The following ANKRD36 variants were observed in gnomAD, a reference collection of about 807,000 sequenced individuals.
The protein encoded by ANKRD36 is ankyrin repeat domain 36.
Under a neutral mutation model 278.1 loss-of-function variants are expected in ANKRD36, and 179 were observed. The ratio of observed to expected loss-of-function variants is 0.64; its 90% CI spans 0.57 to 0.73. ANKRD36 has a LOEUF of 0.73. Among genes scored for constraint, ANKRD36 ranks in the 30% least tolerant of loss-of-function variants. The probability of loss-of-function intolerance (pLI) is 0.00; values close to 1 mark genes in which losing one functional copy is unlikely to be tolerated. For missense variants in ANKRD36, 1,159 were observed against 1,956.7 expected (o/e 0.59, Z 7.69); for synonymous variants, 320 against 641.1 (o/e 0.50, Z 7.57).
chr2:97,120,570 A>G (rs1451250809), intron 3 of ANKRD36, among the ~76,000 whole-genome samples: 1 of 151,656 alleles, frequency 6.6e-6, no homozygotes, highest in Non-Finnish European at 1.5e-5. Context: ...CATTTGGTGA[A>G]CAATCTGGGA....
At position 97,118,360 on chromosome 2, in the gene ANKRD36, A is replaced by C. The variant is rs549307389; in HGVS notation, c.329A>C (p.Gln110Pro). The stretch of plus-strand genomic sequence containing the variant: ...TACTGACAGGCTGTACAACTGAGGC[A>C]GGAGGCTTGTGCAACTCTTCTGCTG... ...TPLIKAVQLR[Q>P]EACATLLLQN... Residue 110 changes from glutamine to proline, a missense_variant, in exon 3 of 76, where the codon CAG becomes CCG. By Grantham distance (76) the Gln-to-Pro change is moderately conservative. Coordinates refer to ENST00000420699, the MANE Select transcript of ANKRD36 (RefSeq NM_001354587.1). 6.2e-6 allele frequency: 10 copies of C among 1,610,300 alleles called. No homozygotes were observed. In the South Asian group the frequency reaches 1.1e-4, roughly 18 times the overall value.
At chr2:97,132,142 G>A in intron 6 of ANKRD36, among the ~76,000 whole-genome samples, 1 of 151,258 alleles carries the variant, frequency 6.6e-6, no homozygotes, top group Admixed American at 6.6e-5. Context: ...ATACATTTTA[G>A]AGACAGGGTC....
intron 38 of ANKRD36, among the ~76,000 whole-genome samples, chr2:97,193,712 T>A (rs2153572358): frequency 6.6e-6 from 1 of 151,788 alleles, no homozygotes; most frequent in Non-Finnish European, 1.5e-5. Context: ...ACTCCTCTGT[T>A]ACTATTAGGC....
chr2:97,144,570 T>G, intron 9 of ANKRD36, 24 bp downstream of exon 9: 3 of 1,577,150 alleles, frequency 1.9e-6, no homozygotes, highest in South Asian at 2.3e-5. Flanking sequence ...ATTCATATTT[T>G]GAATAATTAA....
chr2:97,196,458 G>C, intron 40 of ANKRD36, 135 bp from the exon 41 acceptor site: 3 of 1,501,000 alleles, frequency 2.0e-6, no homozygotes, highest in Non-Finnish European at 2.7e-6. Context: ...CTAGTCCCCA[G>C]ACACAAAGTA....
intron 58 of ANKRD36, chr2:97,213,022 G>A (rs1232811913): frequency 2.7e-5 from 12 of 447,428 alleles, no homozygotes; most frequent in Non-Finnish European, 2.4e-5. Context: ...CTATAATGGT[G>A]TAAATCCTTC....
rs1211833474 is a variant in ANKRD36 at position 97,118,399 on chromosome 2, A to G, written c.368A>G (p.Asn123Ser). 12 of 1,608,332 alleles carry G rather than the reference A, an allele frequency of 7.5e-6. 2 individuals are homozygous for G. Among genetic ancestry groups the G allele is most frequent in the South Asian group, 2.2e-5 (2 of 89,542 alleles). The change falls in exon 3 of 76, where the codon AAT becomes AGT. Residue 123 changes from asparagine to serine, a missense_variant. By Grantham distance (46) the Asn-to-Ser change is conservative (BLOSUM62 1). Transcript: ENST00000420699. The part of the protein sequence containing the change: ...CATLLLQNGA[N>S]PNITDFFGRT... The stretch of plus-strand genomic sequence containing the variant: ...ACTCTTCTGCTGCAAAATGGCGCCA[A>G]TCCAAATATTACGGATTTCTTTGGA...
chr2:97,205,244 A>G (rs957136232), intron 50 of ANKRD36, among the ~76,000 whole-genome samples: 1 of 151,638 alleles, frequency 6.6e-6, no homozygotes, highest in Admixed American at 6.6e-5. Flanking sequence ...ATAATTGATG[A>G]TATTTTTATT....
At chr2:97,183,181 C>A (rs2056661477) in intron 26 of ANKRD36, among the ~76,000 whole-genome samples, 1 of 151,802 alleles carries the variant, frequency 6.6e-6, no homozygotes, top group Non-Finnish European at 1.5e-5. Flanking sequence ...CATCATTCGG[C>A]ATATCCACAT....
chr2:97,181,513 C>G, intron 24 of ANKRD36, 85 bp from the exon 25 acceptor site: 2 of 1,570,292 alleles, frequency 1.3e-6, no homozygotes, highest in Non-Finnish European at 1.7e-6. Flanking sequence ...CAGGAAGATA[C>G]AGCTTGATGC....
At chr2:97,186,456 A>G (rs2057431581) in intron 30 of ANKRD36, among the ~76,000 whole-genome samples, 1 of 150,524 alleles carries the variant, frequency 6.6e-6, no homozygotes, top group Non-Finnish European at 1.5e-5. Context: ...TGCTTTTAGC[A>G]GTTTTATTTA....
intron 22 of ANKRD36, among the ~76,000 whole-genome samples, chr2:97,171,624 C>T (rs1433789353): frequency 1.9e-4 from 27 of 139,312 alleles, no homozygotes; most frequent in African/African-American, 6.2e-4. Context: ...GTGGGTGCAG[C>T]GCACCAGCAT....
intron 17 of ANKRD36, among the ~76,000 whole-genome samples, chr2:97,161,299 T>C (rs1423769990): frequency 6.6e-6 from 1 of 152,282 alleles, no homozygotes; most frequent in Non-Finnish European, 1.5e-5. Flanking sequence ...AAAGTAGCAA[T>C]GAAACATTGA....
At chr2:97,140,150 T>C (rs1351743938) in intron 6 of ANKRD36, among the ~76,000 whole-genome samples, 1 of 151,796 alleles carries the variant, frequency 6.6e-6, no homozygotes, top group African/African-American at 2.4e-5. Flanking sequence ...TTCTTGGATC[T>C]AGTAAGGATC....
intron 62 of ANKRD36, chr2:97,215,875 A>C (rs149026780): frequency 0.063 from 33,188 of 526,206 alleles, 1,439 homozygotes; most frequent in Middle Eastern, 0.12. Context: ...CAGAGGGAAA[A>C]GTGATCCTAA....
chr2:97,191,051 C>T (rs1422436596), intron 35 of ANKRD36, 45 bp downstream of exon 35: 1 of 1,599,896 alleles, frequency 6.3e-7, no homozygotes. Flanking sequence ...AATCTATAGT[C>T]TATGAAATAT....
chr2:97,191,030 G>C (rs187514848), intron 35 of ANKRD36, 24 bp downstream of exon 35: 1 of 1,604,112 alleles, frequency 6.2e-7, no homozygotes, highest in Non-Finnish European at 8.5e-7. Flanking sequence ...CATTTATATT[G>C]TGAACTAGTA....
chr2:97,178,852 T>C (rs929763905), intron 22 of ANKRD36, among the ~76,000 whole-genome samples: 1 of 151,498 alleles, frequency 6.6e-6, no homozygotes, highest in African/African-American at 2.4e-5. Context: ...TTAATAAAAA[T>C]TCTCTAGAGA....
intron 56 of ANKRD36, among the ~76,000 whole-genome samples, chr2:97,210,508 C>G (rs1185617929): frequency 6.6e-6 from 1 of 151,842 alleles, no homozygotes; most frequent in Non-Finnish European, 1.5e-5. Flanking sequence ...GAATACACCA[C>G]ACTGACTCAT....
Sources: allele counts gnomAD v4.1 joint callset (sites outside exome capture counted in the v4.1 genomes callset), GRCh38; gene constraint gnomAD v4.1.1; transcripts MANE v1.5; gene names NCBI Gene and HGNC (gene_info 2026-07-23, HGNC 2026-07-21).